Variants in CARD6 observed in about 807,000 individuals in gnomAD.
CARD6 encodes the protein caspase recruitment domain-containing protein 6.
In CARD6, 27 loss-of-function variants were observed where a neutral mutation model predicts 23.6. That is an observed-to-expected ratio of 1.14 (90% CI 0.84 to 1.58). The LOEUF is 1.58. Ranked by LOEUF, CARD6 falls within the 40% of genes most tolerant of loss-of-function variation. CARD6 has a pLI of 0.00. For missense variants in CARD6, 1,214 were observed against 1,209.9 expected (o/e 1.00, Z -0.05); for synonymous variants, 397 against 431.8 (o/e 0.92, Z 1.00).
rs775953597 is a variant in CARD6, at chr5:40,852,880, TAGAA to T, written c.1551_1554del (p.Glu519ThrfsTer17). On this transcript the variant is annotated frameshift_variant, in exon 3 of 3. Transcript: ENST00000254691. LOFTEE classifies it low-confidence loss of function (END_TRUNC). ...CATGGTGTTTTCCTGATAGCGATGA[TAGAA>T]AGGAAAACCCCTTTTTCCAAAAGCC... 1 of 1,614,016 alleles carries T rather than the reference TAGAA, an allele frequency of 6.2e-7. No individual in the cohort carries two copies. The highest frequency in any genetic ancestry group is 8.5e-7 in the Non-Finnish European group (1 of 1,179,972).
chr5:40,846,292 C>T (rs1176925185), intron 2 of CARD6, among the ~76,000 whole-genome samples: 1 of 151,984 alleles, frequency 6.6e-6, no homozygotes, highest in African/African-American at 2.4e-5. Context: ...GAATTATGGA[C>T]ATGAGCCACC....
Position 40,853,470 on chromosome 5 carries a change from A to G in CARD6, c.2138A>G (p.Gln713Arg), listed in dbSNP as rs763090706. The G allele has an allele frequency of 3.9e-5, 63 of 1,614,112 alleles. No individual in the cohort carries two copies. The highest frequency in any genetic ancestry group is 8.3e-5 in the Admixed American group (5 of 60,008). The change falls in exon 3 of 3, where the codon CAG becomes CGG. Residue 713 changes from glutamine to arginine, a missense_variant. By Grantham distance (43) the Gln-to-Arg change is conservative. Transcript: ENST00000254691. ...CCTGGGACTCAATGTGAGCTCAGCC[A>G]GAATCTTCAGAATCTCTATGGTACC... Reference protein sequence around the residue: ...QEPGTQCELSQNLQNLYGTPV... With the variant: ...QEPGTQCELSRNLQNLYGTPV...
rs1441903411 is a variant in CARD6, at chr5:40,853,468, CCAGAATCTT to C, written c.2145_2153del (p.Gln716_Leu718del). 2 of 1,614,180 alleles carry C rather than the reference CCAGAATCTT, an allele frequency of 1.2e-6. No homozygotes were observed. The highest frequency in any genetic ancestry group is 2.7e-5 in the African/African-American group (2 of 75,048). Reference sequence around the variant, plus strand: ...AGCCTGGGACTCAATGTGAGCTCAGCCAGAATCTTCAGAATCTCTATGGTACCCCAGTAT... The same window carrying C: ...AGCCTGGGACTCAATGTGAGCTCAGCCAGAATCTCTATGGTACCCCAGTAT... On this transcript the variant is annotated inframe_deletion, in exon 3 of 3. Transcript: ENST00000254691.
At chr5:40,846,005 T>A (rs1002639819) in intron 2 of CARD6, among the ~76,000 whole-genome samples, 13 of 151,792 alleles carry the variant, frequency 8.6e-5, no homozygotes, top group African/African-American at 3.1e-4. Context: ...TCAGAATAGA[T>A]GCAGTATATT....
chr5:40,854,640 G>A lies in CARD6; in HGVS notation c.*194G>A. The A allele has an allele frequency of 3.4e-6, 2 of 580,962 alleles. No homozygotes were observed. Among genetic ancestry groups the A allele is most frequent in the Non-Finnish European group, 6.0e-6 (2 of 332,162 alleles). 36.0% of individuals were successfully genotyped at this position (580,962 alleles called of 1,614,324 possible). A position where few individuals can be genotyped will look rare whatever the true frequency, so the allele number is the denominator to read the frequency against. The stretch of plus-strand genomic sequence containing the variant: ...AGTTTCACTCTTGTTGCCCAGGCTG[G>A]AGTGCAATGGCACGATCTCGGCTCA... On this transcript the variant is annotated 3_prime_UTR_variant, in exon 3 of 3. Transcript: ENST00000254691.
rs61748215 is a variant in CARD6, at chr5:40,843,391, A to T, written c.523A>T (p.Thr175Ser). 0.01 allele frequency: 16,861 copies of T among 1,614,134 alleles called. 265 individuals are homozygous for T. Among genetic ancestry groups the T allele is most frequent in the South Asian group, 0.055 (5,018 of 91,074 alleles). Residue 175 changes from threonine to serine, a missense_variant, in exon 2 of 3, where the codon ACA (threonine) becomes TCA (serine). Physicochemically the swap from Thr to Ser is moderately conservative, Grantham distance 58. Transcript: ENST00000254691. ...GAAGGAATATGACACACCAGAAGTC[A>T]CATTATCATATTCAGTTGAGAAAGT... ...NEKEYDTPEVTLSYSVEKVGC... is the reference protein window; with the variant it reads ...NEKEYDTPEVSLSYSVEKVGC...
intron 2 of CARD6, among the ~76,000 whole-genome samples, chr5:40,845,927 C>G (rs1157177377): frequency 6.6e-6 from 1 of 152,058 alleles, no homozygotes; most frequent in East Asian, 1.9e-4. Flanking sequence ...TGGGTTCACT[C>G]ATGCATCTGT....
At position 40,852,954 on chromosome 5, in the gene CARD6, C is replaced by T. The variant is rs1746101744; in HGVS notation, c.1622C>T (p.Thr541Ile). ...CGTGGAAATCTAGAAAGCTTTTGGA[C>T]TCAGTTTGGTTTTTTGATGGAAGTT... is the stretch of plus-strand genomic sequence containing the variant. ...NLRGNLESFW[T>I]QFGFLMEVSS... Residue 541 changes from threonine to isoleucine, a missense_variant, in exon 3 of 3, where the codon ACT becomes ATT. By Grantham distance (89) the Thr-to-Ile change is moderately conservative. Coordinates refer to ENST00000254691, the MANE Select transcript of CARD6 (RefSeq NM_032587.4). The T allele has an allele frequency of 3.7e-6, 6 of 1,614,020 alleles. No homozygotes were observed. The highest frequency in any genetic ancestry group is 5.1e-6 in the Non-Finnish European group (6 of 1,180,038).
intron 2 of CARD6, among the ~76,000 whole-genome samples, chr5:40,848,006 C>G (rs1745993630): frequency 6.6e-6 from 1 of 151,904 alleles, no homozygotes; most frequent in Middle Eastern, 3.4e-3. Flanking sequence ...GCTCAGTTTT[C>G]TTTAATATTT....
rs181167628 is a variant in CARD6 at position 40,847,664 on chromosome 5, A to G, written c.841+3955A>G. 8.1e-4 allele frequency among the ~76,000 whole-genome samples: 123 copies of G among 152,188 alleles called. 1 individual carries two copies. Among genetic ancestry groups the G allele is most frequent in the Admixed American group, 6.4e-3 (98 of 15,296 alleles). Reference sequence around the variant, plus strand: ...TATGGATGCCATTCCTCTGTCTTTTAGCTTCCATTGTTTCTGATGCTAAAT... The same window carrying G: ...TATGGATGCCATTCCTCTGTCTTTTGGCTTCCATTGTTTCTGATGCTAAAT... On this transcript the variant is annotated intron_variant, in intron 2 of 2. Coordinates refer to ENST00000254691, the MANE Select transcript of CARD6 (RefSeq NM_032587.4).
At chr5:40,843,847 T>G (rs540271692) in intron 2 of CARD6, 138 bp downstream of exon 2, 7 of 564,532 alleles carry the variant, frequency 1.2e-5, no homozygotes, top group African/African-American at 3.9e-5. Context: ...CTCGTGCCTC[T>G]CTGACCTGGA....
chr5:40,852,273 G>A lies in CARD6; in HGVS notation c.941G>A (p.Gly314Glu). 6.2e-7 allele frequency: 1 copy of A among 1,614,134 alleles called. No individual in the cohort carries two copies. The change falls in exon 3 of 3, where the codon GGA becomes GAA. Residue 314 changes from glycine (G) to glutamate (E), a missense_variant. Coordinates refer to ENST00000254691, the MANE Select transcript of CARD6 (RefSeq NM_032587.4). ...GTTAAACAATTCTCCTTAGATCGAG[G>A]ATGTAAGTGGACCCCTGAGAGTCCA... is the stretch of plus-strand genomic sequence containing the variant. Reference protein sequence around the residue: ...DFVKQFSLDRGCKWTPESPGD... With the variant: ...DFVKQFSLDRECKWTPESPGD...
In CARD6 at chr5:40,852,853, A is replaced by G; in HGVS notation, c.1521A>G (p.Ile507Met). The change falls in exon 3 of 3, where the codon ATA (isoleucine) becomes ATG (methionine). Residue 507 changes from isoleucine (I) to methionine (M), a missense_variant. Ile to Met is a conservative substitution (Grantham distance 10). Coordinates refer to ENST00000254691, the MANE Select transcript of CARD6 (RefSeq NM_032587.4). ...PRQISDGLVE[I>M]TWCFPDSDDR... ...AAATCTCTGATGGCCTGGTTGAGAT[A>G]ACATGGTGTTTTCCTGATAGCGATG... 1.9e-6 allele frequency: 3 copies of G among 1,614,186 alleles called. No homozygotes were observed. The highest frequency in any genetic ancestry group is 2.5e-6 in the Non-Finnish European group (3 of 1,180,034).
chr5:40,853,996 A>G lies in CARD6; in HGVS notation c.2664A>G (p.Thr888=), dbSNP rs777635974. 1 of 1,614,200 alleles carries G rather than the reference A, an allele frequency of 6.2e-7. No individual in the cohort carries two copies. Among genetic ancestry groups the G allele is most frequent in the Non-Finnish European group, 8.5e-7 (1 of 1,180,034 alleles). ...AAGCAACTGGAAAACTGATAAGAAC[A>G]TCCCATATTGGAAAGCCTCACCCTC... ...LTEATGKLIR[T]SHIGKPHPQS... The change falls in exon 3 of 3, where the codon ACA becomes ACG. Residue 888 remains threonine (T), a synonymous_variant. Transcript: ENST00000254691.
chr5:40,854,098 TG>T lies in CARD6; in HGVS notation c.2770del (p.Ala924LeufsTer8), dbSNP rs777078664. 2 of 1,614,154 alleles carry T rather than the reference TG, an allele frequency of 1.2e-6. No individual in the cohort carries two copies. The highest frequency in any genetic ancestry group is 1.1e-5 in the South Asian group (1 of 91,078). Reference sequence around the variant, plus strand: ...AAGGAGTCCAGATGAAGACACAAGGTGGGGCTTCAAATCCAGCTCTCCAAAT... The same window carrying T: ...AAGGAGTCCAGATGAAGACACAAGGTGGGCTTCAAATCCAGCTCTCCAAAT... Reference protein sequence around the residue: ...QQGVQMKTQGGASNPALQIGS... With the variant: ...QQGVQMKTQGXASNPALQIGS... On this transcript the variant is annotated frameshift_variant, in exon 3 of 3. Transcript: ENST00000254691. LOFTEE classifies it low-confidence loss of function (END_TRUNC).
chr5:40,850,223 G>T (rs975398369), intron 2 of CARD6, among the ~76,000 whole-genome samples: 2 of 151,766 alleles, frequency 1.3e-5, no homozygotes, highest in Non-Finnish European at 2.9e-5. Flanking sequence ...GACCATCCTG[G>T]CTAACATAGT....
rs78772032 is a variant in CARD6 at position 40,852,435 on chromosome 5, G to A, written c.1103G>A (p.Arg368Gln). ...LLAGVENLEI[R>Q]DIQTINPLDV... ...GCTGGAGTGGAGAATTTGGAAATTC[G>A]AGACATACAAACCATTAATCCCCTT... The change falls in exon 3 of 3, where the codon CGA (arginine) becomes CAA (glutamine). Residue 368 changes from arginine (R) to glutamine (Q), a missense_variant. Arg to Gln is a conservative substitution (Grantham distance 43). Transcript: ENST00000254691. The A allele has an allele frequency of 8.3e-4, 1,338 of 1,614,114 alleles. 14 individuals carry two copies. In the African/African-American group the frequency reaches 0.016, roughly 20 times the overall value.
In CARD6 at chr5:40,843,434, C is replaced by T. The variant is rs1418904058; in HGVS notation, c.566C>T (p.Ala189Val). The change falls in exon 2 of 3, where the codon GCA (alanine) becomes GTA (valine). Residue 189 changes from alanine to valine, a missense_variant. Physicochemically the swap from Ala to Val is moderately conservative, Grantham distance 64. Transcript: ENST00000254691. ...GAGAAAGTTGGATGTGAAGTTCCAG[C>T]AACTATTACATATATAAAAGATGGA... is the stretch of plus-strand genomic sequence containing the variant. ...SVEKVGCEVPATITYIKDGQR... is the reference protein window; with the variant it reads ...SVEKVGCEVPVTITYIKDGQR... 1.2e-6 allele frequency: 2 copies of T among 1,613,896 alleles called. No homozygotes were observed. Among genetic ancestry groups the T allele is most frequent in the Non-Finnish European group, 1.7e-6 (2 of 1,179,928 alleles).
chr5:40,852,177 GA>G lies in CARD6; in HGVS notation c.851del (p.Lys284ArgfsTer10). ...ACTATTATCTTCTCTCCTACAGAAA[GA>G]AAAAAGGTGTTTAAAGATGTCCTGT... ...EEEQEKSIEE[R>X]KKVFKDVLLC... On this transcript the variant is annotated frameshift_variant, in exon 3 of 3. Transcript: ENST00000254691. LOFTEE classifies it low-confidence loss of function (END_TRUNC). The G allele has an allele frequency of 6.3e-7, 1 of 1,594,100 alleles. No individual in the cohort carries two copies. Among genetic ancestry groups the G allele is most frequent in the South Asian group, 1.1e-5 (1 of 89,068 alleles).
Sources: gnomAD v4.1 joint callset for allele counts (sites outside exome capture counted in the v4.1 genomes callset) on GRCh38, gnomAD v4.1.1 for gene constraint, MANE v1.5 for transcripts, NCBI Gene and HGNC (gene_info 2026-07-23, HGNC 2026-07-21) for gene names.